The following ME2 variants were observed in gnomAD, a reference collection of about 807,000 sequenced individuals.
The protein encoded by ME2 is malic enzyme 2.
In ME2, 60 loss-of-function variants were observed where a neutral mutation model predicts 73.7. That is an observed-to-expected ratio of 0.81 (90% CI 0.66 to 1.01). The LOEUF is 1.01. Among genes scored for constraint, ME2 ranks in the 50% least tolerant of loss-of-function variants. The pLI, the probability that ME2 is intolerant of heterozygous loss-of-function variation, is 0.00. For synonymous variants in ME2, 199 were observed against 236.9 expected, an observed-to-expected ratio of 0.84 and a Z score of 1.47; for missense variants, 594 against 705.5, an observed-to-expected ratio of 0.84 and a Z score of 1.79.
At chr18:50,937,947 C>T (rs895402520) in intron 13 of ME2, among the ~76,000 whole-genome samples, 6 of 152,080 alleles carry the variant, frequency 3.9e-5, no homozygotes, top group African/African-American at 1.2e-4. Context: ...AGATAGGAAG[C>T]GCCTACTCAC....
At position 50,947,985 on chromosome 18, in the gene ME2, G is replaced by A. The variant is rs1173206263; in HGVS notation, c.*801G>A. 6.6e-6 allele frequency: 1 copy of A among 152,130 alleles called. No individual in the cohort carries two copies. The highest frequency in any genetic ancestry group is 1.5e-5 in the Non-Finnish European group (1 of 68,026). 9.4% of individuals were successfully genotyped at this position (152,130 alleles called of 1,614,324 possible). ...GTTACTTCTAGATGATTCTAGGAGG[G>A]AGTATAAGATACCTAATCATATGGG... On this transcript the variant is annotated 3_prime_UTR_variant, in exon 16 of 16. Coordinates refer to ENST00000321341, the MANE Select transcript of ME2 (RefSeq NM_002396.5).
At chr18:50,909,942 A>G (rs1338695200) in intron 3 of ME2, among the ~76,000 whole-genome samples, 1 of 152,344 alleles carries the variant, frequency 6.6e-6, no homozygotes, top group East Asian at 1.9e-4. Context: ...GCTGGAATAA[A>G]CATAAATACA....
chr18:50,882,201 G>A (rs116534647), intron 1 of ME2, among the ~76,000 whole-genome samples: 2,940 of 152,162 alleles, frequency 0.019, 89 homozygotes, highest in African/African-American at 0.067. Flanking sequence ...GTTTTGTCAT[G>A]TTGCCCGGGC....
At chr18:50,888,111 G>C (rs1324832426) in intron 1 of ME2, among the ~76,000 whole-genome samples, 2 of 152,128 alleles carry the variant, frequency 1.3e-5, no homozygotes, top group Non-Finnish European at 2.9e-5. Flanking sequence ...GGAGGTTGAG[G>C]CTGGCAGATC....
intron 12 of ME2, among the ~76,000 whole-genome samples, chr18:50,930,128 C>T (rs578071259): frequency 1.8e-4 from 27 of 152,064 alleles, no homozygotes; most frequent in Non-Finnish European, 2.9e-4. Flanking sequence ...AGCATGGTGG[C>T]GCACACCTGT....
At chr18:50,895,753 C>A in intron 1 of ME2, 56 bp from the exon 2 acceptor site, 1 of 1,061,432 alleles carries the variant, frequency 9.4e-7, no homozygotes, top group Non-Finnish European at 1.4e-6. Flanking sequence ...ACCCGATGGA[C>A]ATGAAGGCCT....
chr18:50,889,022 C>T (rs576404411), intron 1 of ME2, among the ~76,000 whole-genome samples: 8 of 148,344 alleles, frequency 5.4e-5, no homozygotes, highest in Admixed American at 1.4e-4. Flanking sequence ...AGAAACATTC[C>T]AGTTCTTCTC....
At chr18:50,917,590 TTTAA>T (rs1404551195) in intron 6 of ME2, 82 bp downstream of exon 6, 5 of 1,024,024 alleles carry the variant, frequency 4.9e-6, no homozygotes, top group Admixed American at 2.8e-5. Context: ...AAAATGATAA[TTTAA>T]GAAGGGAAAG....
rs770951379 is a variant in ME2 at position 50,925,918 on chromosome 18, T to C, written c.1314+20T>C. On this transcript the variant is annotated intron_variant, in intron 12 of 15. Transcript: ENST00000321341. ...ACAGAGGTATTAATAATCACATGAA[T>C]TGATATGTATATTATTTTCCCTCCA... 4 of 1,544,846 alleles carry C rather than the reference T, an allele frequency of 2.6e-6. No individual in the cohort carries two copies. Among genetic ancestry groups the C allele is most frequent in the Non-Finnish European group, 3.6e-6 (4 of 1,117,906 alleles).
chr18:50,940,602 T>A (rs917943104), intron 15 of ME2, among the ~76,000 whole-genome samples: 1 of 152,166 alleles, frequency 6.6e-6, no homozygotes, highest in South Asian at 2.1e-4. Flanking sequence ...CATACACACA[T>A]GCATGTAGTC....
intron 13 of ME2, among the ~76,000 whole-genome samples, chr18:50,938,868 A>G (rs1229948191): frequency 2.6e-5 from 4 of 152,188 alleles, no homozygotes; most frequent in Non-Finnish European, 4.4e-5. Flanking sequence ...TCAAGGGTGA[A>G]ATAACAATGT....
intron 15 of ME2, among the ~76,000 whole-genome samples, chr18:50,943,253 C>T (rs1918005104): frequency 6.6e-6 from 1 of 152,072 alleles, no homozygotes; most frequent in African/African-American, 2.4e-5. Context: ...AACTTCCATA[C>T]AGTTGATCAT....
At chr18:50,887,456 C>A (rs965780075) in intron 1 of ME2, among the ~76,000 whole-genome samples, 1 of 152,190 alleles carries the variant, frequency 6.6e-6, no homozygotes, top group African/African-American at 2.4e-5. Context: ...TTCCCAAGGC[C>A]TGTTCAACCT....
chr18:50,882,592 A>T (rs973653706), intron 1 of ME2, among the ~76,000 whole-genome samples: 11 of 152,116 alleles, frequency 7.2e-5, no homozygotes, highest in African/African-American at 1.7e-4. Flanking sequence ...GTGGGGGACA[A>T]TTGGGACCAG....
chr18:50,901,557 A>G (rs529867903), intron 2 of ME2, among the ~76,000 whole-genome samples: 209 of 152,372 alleles, frequency 1.4e-3, no homozygotes, highest in African/African-American at 4.6e-3. Flanking sequence ...AGAGGTAGAT[A>G]TAAGTGATAC....
At position 50,920,455 on chromosome 18, in the gene ME2, G is replaced by A; in HGVS notation, c.735-1G>A. The A allele has an allele frequency of 6.3e-7, 1 of 1,588,166 alleles. No homozygotes were observed. The highest frequency in any genetic ancestry group is 8.5e-7 in the Non-Finnish European group (1 of 1,171,458). On this transcript the variant is annotated splice_acceptor_variant, in intron 7 of 15. Coordinates refer to ENST00000321341, the MANE Select transcript of ME2 (RefSeq NM_002396.5). LOFTEE classifies it high-confidence loss of function. ...ACTATTGTGGGTTTTGCTGTTTTTA[G>A]ATATGGCCGGAACACACTCATTCAG...
rs57428974 is a variant in ME2 at position 50,941,353 on chromosome 18, C to CTTTTTTTTTTTTTTTTTTTT, written c.1587+979_1587+998dup. Reference sequence around the variant, plus strand: ...TCTTTGTGTGTATTTGTGATGGTTTCTTTTTTTTTTTTTTTTTTTTTTTTT... The same window carrying CTTTTTTTTTTTTTTTTTTTT: ...TCTTTGTGTGTATTTGTGATGGTTTCTTTTTTTTTTTTTTTTTTTTTTTTTTTTTTTTTTTTTTTTTTTTT... On this transcript the variant is annotated intron_variant, in intron 15 of 15. Coordinates refer to ENST00000321341, the MANE Select transcript of ME2 (RefSeq NM_002396.5). Among the ~76,000 whole-genome samples the CTTTTTTTTTTTTTTTTTTTT allele has an allele frequency of 6.3e-5, 4 of 63,820 alleles. 1 individual carries two copies. The highest frequency in any genetic ancestry group is 2.4e-4 in the African/African-American group (3 of 12,418). The allele number at this position is 63,820 out of a possible 152,430, so 41.9% of individuals were successfully genotyped here.
chr18:50,951,771 G>A lies in ME2; in HGVS notation c.*4587G>A, dbSNP rs1203537382. ...CGGGCGCCTGTAGTCCCAGGTACTC[G>A]GGAGTCTGAGGAGTGAACCCGGGAG... On this transcript the variant is annotated 3_prime_UTR_variant, in exon 16 of 16. Coordinates refer to ENST00000321341, the MANE Select transcript of ME2 (RefSeq NM_002396.5). The A allele has an allele frequency of 2.0e-5, 3 of 148,594 alleles. No individual in the cohort carries two copies. Among genetic ancestry groups the A allele is most frequent in the Admixed American group, 6.9e-5 (1 of 14,462 alleles). 9.2% of individuals were successfully genotyped at this position (148,594 alleles called of 1,614,324 possible). A position where few individuals can be genotyped will look rare whatever the true frequency, so the allele number is the denominator to read the frequency against.
intron 13 of ME2, chr18:50,933,680 G>A (rs1475111378): frequency 6.7e-6 from 1 of 150,230 alleles, no homozygotes; most frequent in Non-Finnish European, 1.5e-5. Context: ...TTTTTTTTTA[G>A]TTCCAGGGGT....
Sources: gnomAD v4.1 joint callset for allele counts (sites outside exome capture counted in the v4.1 genomes callset) on GRCh38, gnomAD v4.1.1 for gene constraint, MANE v1.5 for transcripts, NCBI Gene and HGNC (gene_info 2026-07-23, HGNC 2026-07-21) for gene names.